The following GTF2A1L variants were observed in gnomAD, a reference collection of about 807,000 sequenced individuals.
GTF2A1L encodes general transcription factor IIA subunit 1 like.
A neutral mutation model predicts 49.7 loss-of-function variants in GTF2A1L; 48 were observed. The ratio of observed to expected loss-of-function variants is 0.97; its 90% CI spans 0.77 to 1.23. GTF2A1L has a LOEUF of 1.23. Among genes scored for constraint, GTF2A1L ranks in the 50% most tolerant of loss-of-function variants. GTF2A1L has a pLI of 0.00. For synonymous variants in GTF2A1L, 246 were observed against 193.5 expected, an observed-to-expected ratio of 1.27 and a Z score of -2.25; for missense variants, 736 against 564.8, an observed-to-expected ratio of 1.30 and a Z score of -3.07.
At chr2:48,643,562 C>G (rs926015967) in intron 4 of GTF2A1L, among the ~76,000 whole-genome samples, 1 of 151,914 alleles carries the variant, frequency 6.6e-6, no homozygotes, top group Non-Finnish European at 1.5e-5. Flanking sequence ...TATTTTTTTT[C>G]CTGTTAAAAT....
In GTF2A1L at chr2:48,647,023, A is replaced by G; in HGVS notation, c.959A>G (p.Asn320Ser). The G allele has an allele frequency of 6.2e-7, 1 of 1,609,954 alleles. No homozygotes were observed. The highest frequency in any genetic ancestry group is 8.5e-7 in the Non-Finnish European group (1 of 1,178,164). ...CCAAGAAATATAGAGGAACCCAGCAACATACCTGTATCAGAGAAGGTATAG... is the reference window on the plus strand; with the variant it reads ...CCAAGAAATATAGAGGAACCCAGCAGCATACCTGTATCAGAGAAGGTATAG... ...KQPRNIEEPS[N>S]IPVSEKDSNS... The change falls in exon 6 of 9, where the codon AAC becomes AGC. Residue 320 changes from asparagine (N) to serine (S), a missense_variant. Asn to Ser is a conservative substitution (Grantham distance 46, BLOSUM62 1). Transcript: ENST00000403751.
intron 6 of GTF2A1L, among the ~76,000 whole-genome samples, chr2:48,661,181 G>A (rs1163618357): frequency 6.9e-6 from 1 of 144,552 alleles, no homozygotes; most frequent in Non-Finnish European, 1.5e-5. Flanking sequence ...GTTAATTTGA[G>A]ATTGCTCTTT....
At position 48,669,920 on chromosome 2, in the gene GTF2A1L, A is replaced by G; in HGVS notation, c.1177A>G (p.Asn393Asp). The G allele has an allele frequency of 6.2e-7, 1 of 1,614,110 alleles. No homozygotes were observed. The highest frequency in any genetic ancestry group is 1.1e-5 in the South Asian group (1 of 91,080). The change falls in exon 7 of 9, where the codon AAT becomes GAT. Residue 393 changes from asparagine to aspartate, a missense_variant. Physicochemically the swap from Asn to Asp is conservative, Grantham distance 23 (BLOSUM62 1). Coordinates refer to ENST00000403751, the MANE Select transcript of GTF2A1L (RefSeq NM_006872.5). Reference sequence around the variant, plus strand: ...TGAAGAAGAAGCTGACAGTATTTCAAATGAGGATTCAGCCACAAACAGTAG... The same window carrying G: ...TGAAGAAGAAGCTGACAGTATTTCAGATGAGGATTCAGCCACAAACAGTAG... The part of the protein sequence containing the change: ...VPEEEADSIS[N>D]EDSATNSSDN...
At chr2:48,649,763 A>C (rs753388764) in intron 6 of GTF2A1L, among the ~76,000 whole-genome samples, 1 of 152,116 alleles carries the variant, frequency 6.6e-6, no homozygotes, top group Non-Finnish European at 1.5e-5. Context: ...TTCACCTATA[A>C]TAAATAAACT....
chr2:48,650,470 G>C (rs1223098028), intron 6 of GTF2A1L, among the ~76,000 whole-genome samples: 1 of 152,156 alleles, frequency 6.6e-6, no homozygotes, highest in Non-Finnish European at 1.5e-5. Flanking sequence ...AATGGAGTGA[G>C]AGGATAAGAG....
chr2:48,665,354 C>T (rs1286543208), intron 6 of GTF2A1L, among the ~76,000 whole-genome samples: 4 of 142,300 alleles, frequency 2.8e-5, no homozygotes, highest in African/African-American at 1.0e-4. Context: ...TTTCCTTCCT[C>T]CTGTTTACTT....
At chr2:48,671,942 A>G (rs1281123873) in intron 8 of GTF2A1L, among the ~76,000 whole-genome samples, 2 of 152,238 alleles carry the variant, frequency 1.3e-5, no homozygotes, top group African/African-American at 4.8e-5. Flanking sequence ...AAAGACATAC[A>G]ATGAGATGGT....
intron 6 of GTF2A1L, among the ~76,000 whole-genome samples, chr2:48,654,079 G>T (rs137951227): frequency 6.6e-6 from 1 of 152,256 alleles, no homozygotes; most frequent in Non-Finnish European, 1.5e-5. Context: ...ATTTCCACCA[G>T]CAATGTATGG....
chr2:48,676,991 A>C (rs1288673242), intron 8 of GTF2A1L, among the ~76,000 whole-genome samples: 1 of 151,322 alleles, frequency 6.6e-6, no homozygotes, highest in African/African-American at 2.4e-5. Context: ...TTCGTCCCTA[A>C]TGTTAAGACA....
intron 6 of GTF2A1L, among the ~76,000 whole-genome samples, chr2:48,666,584 GGTGT>G (rs113492704): frequency 0.031 from 4,535 of 147,102 alleles, 206 homozygotes; most frequent in African/African-American, 0.099. Context: ...AACTTGTCAG[GGTGT>G]GTGTGTGTGT....
At chr2:48,648,266 A>C (rs889859967) in intron 6 of GTF2A1L, among the ~76,000 whole-genome samples, 2 of 152,148 alleles carry the variant, frequency 1.3e-5, no homozygotes, top group Admixed American at 1.3e-4. Flanking sequence ...CTTAGTAAAT[A>C]AATGTAGGTT....
At chr2:48,656,704 T>G (rs1025540787) in intron 6 of GTF2A1L, among the ~76,000 whole-genome samples, 16 of 152,166 alleles carry the variant, frequency 1.1e-4, no homozygotes, top group Admixed American at 2.6e-4. Context: ...TTTGGTGAAG[T>G]CCATTTTATC....
intron 3 of GTF2A1L, among the ~76,000 whole-genome samples, chr2:48,640,565 A>G (rs866301371): frequency 6.6e-6 from 1 of 152,182 alleles, no homozygotes; most frequent in Non-Finnish European, 1.5e-5. Flanking sequence ...AGTAGAAAAG[A>G]TAACTACTAG....
rs1221616869 is a variant in GTF2A1L, at chr2:48,666,448, A to G, written c.979-3274A>G. Reference sequence around the variant, plus strand: ...CTGGTCTTGAACTCCTGACCTTGTGATCTGCCCACCTCGGCCTGCCAGATA... The same window carrying G: ...CTGGTCTTGAACTCCTGACCTTGTGGTCTGCCCACCTCGGCCTGCCAGATA... On this transcript the variant is annotated intron_variant, in intron 6 of 8. Transcript: ENST00000403751. 5.9e-5 allele frequency among the ~76,000 whole-genome samples: 9 copies of G among 152,074 alleles called. No individual in the cohort carries two copies. In the East Asian group the frequency reaches 1.3e-3, roughly 23 times the overall value.
chr2:48,630,808 T>A (rs1188808892), intron 3 of GTF2A1L, among the ~76,000 whole-genome samples: 5 of 152,094 alleles, frequency 3.3e-5, no homozygotes, highest in African/African-American at 4.8e-5. Context: ...TTGAGGGTTT[T>A]TCTTTTATCA....
chr2:48,664,559 T>C (rs1239958815), intron 6 of GTF2A1L, among the ~76,000 whole-genome samples: 2 of 152,180 alleles, frequency 1.3e-5, no homozygotes, highest in African/African-American at 2.4e-5. Context: ...TAGGGTAATA[T>C]TAGTTTCATA....
In GTF2A1L at chr2:48,621,184, T is replaced by G. The variant is rs752355922; in HGVS notation, c.141T>G (p.Val47=). The G allele has an allele frequency of 6.2e-7, 1 of 1,613,840 alleles. No homozygotes were observed. The highest frequency in any genetic ancestry group is 1.1e-5 in the South Asian group (1 of 90,924). ...KDLKQLWETK[V]LQSKATEDFF... ...CTCTGCAGCTCTGGGAAACCAAGGT[T>G]TTGCAGTCTAAAGCAACAGAAGACT... The change falls in exon 3 of 9, where the codon GTT becomes GTG. Residue 47 remains valine (V), a synonymous_variant. Coordinates refer to ENST00000403751, the MANE Select transcript of GTF2A1L (RefSeq NM_006872.5).
chr2:48,640,256 G>A (rs977115701), intron 3 of GTF2A1L, among the ~76,000 whole-genome samples: 3 of 152,122 alleles, frequency 2.0e-5, no homozygotes, highest in African/African-American at 7.2e-5. Context: ...GTTCATTACA[G>A]CACTTTTCAC....
At chr2:48,634,315 T>G (rs1271290642) in intron 3 of GTF2A1L, among the ~76,000 whole-genome samples, 1 of 152,192 alleles carries the variant, frequency 6.6e-6, no homozygotes, top group Non-Finnish European at 1.5e-5. Flanking sequence ...TTTCACCATG[T>G]TACCAGGCTG....
Sources: allele counts gnomAD v4.1 joint callset (sites outside exome capture counted in the v4.1 genomes callset), GRCh38; gene constraint gnomAD v4.1.1; transcripts MANE v1.5; gene names NCBI Gene and HGNC (gene_info 2026-07-23, HGNC 2026-07-21).